Variants in PSMA1 observed in about 807,000 individuals in gnomAD.
PSMA1 encodes proteasome 20S subunit alpha 1.
In PSMA1, 3 loss-of-function variants were observed where a neutral mutation model predicts 38.4. That is an observed-to-expected ratio of 0.08 (90% CI 0.04 to 0.20). The LOEUF (loss-of-function observed/expected upper bound fraction) is 0.20. Among genes scored for constraint, PSMA1 ranks in the 10% least tolerant of loss-of-function variants. The probability of loss-of-function intolerance (pLI) is 1.00; values close to 1 mark genes in which losing one functional copy is unlikely to be tolerated. For synonymous variants in PSMA1, 101 were observed against 107.1 expected (o/e 0.94, Z 0.35); for missense variants, 227 against 325.3 (o/e 0.70, Z 2.32).
intron 1 of PSMA1, among the ~76,000 whole-genome samples, chr11:14,638,621 C>T (rs1245816788): frequency 7.5e-5 from 4 of 52,992 alleles, no homozygotes; most frequent in East Asian, 1.2e-3. Flanking sequence ...TTTTTTGGTG[C>T]GCTCTGCTTG....
intron 7 of PSMA1, among the ~76,000 whole-genome samples, chr11:14,512,657 G>A (rs1851363739): frequency 6.6e-6 from 1 of 152,106 alleles, no homozygotes; most frequent in Admixed American, 6.5e-5. Flanking sequence ...CTTATGGGAA[G>A]GAAAGAGCAT....
chr11:14,519,317 G>A (rs1170452151), intron 1 of PSMA1: 3 of 482,704 alleles, frequency 6.2e-6, no homozygotes, highest in African/African-American at 3.9e-5. Context: ...AATTACTAAA[G>A]TTCACAATCA....
intron 2 of PSMA1, among the ~76,000 whole-genome samples, chr11:14,604,067 A>C (rs1852615136): frequency 6.6e-6 from 1 of 152,198 alleles, no homozygotes; most frequent in African/African-American, 2.4e-5. Context: ...TCTAACTACT[A>C]AATGTCCTTT....
At chr11:14,561,234 T>G (rs1321555880) in intron 2 of PSMA1, among the ~76,000 whole-genome samples, 2 of 152,236 alleles carry the variant, frequency 1.3e-5, no homozygotes, top group Non-Finnish European at 2.9e-5. Flanking sequence ...TCTCTTTATG[T>G]GGCATTTTCC....
intron 2 of PSMA1, among the ~76,000 whole-genome samples, chr11:14,528,399 T>C (rs931073529): frequency 5.3e-5 from 8 of 152,106 alleles, no homozygotes; most frequent in African/African-American, 1.9e-4. Flanking sequence ...TCACCAATAC[T>C]ATATGACAAA....
intron 2 of PSMA1, among the ~76,000 whole-genome samples, chr11:14,598,840 T>C (rs1057442534): frequency 6.6e-6 from 1 of 152,032 alleles, no homozygotes; most frequent in African/African-American, 2.4e-5. Flanking sequence ...CTAGCATTGA[T>C]GATCTTCACA....
intron 2 of PSMA1, among the ~76,000 whole-genome samples, chr11:14,597,883 T>A (rs1852521532): frequency 6.6e-6 from 1 of 152,220 alleles, no homozygotes; most frequent in South Asian, 2.1e-4. Context: ...CTTGTGGGCA[T>A]TTAGTGCTAT....
At chr11:14,576,795 A>C (rs1852222537) in intron 2 of PSMA1, among the ~76,000 whole-genome samples, 1 of 152,252 alleles carries the variant, frequency 6.6e-6, no homozygotes, top group East Asian at 1.9e-4. Flanking sequence ...ACTTTAAAGT[A>C]GTTTTTTCCA....
intron 2 of PSMA1, among the ~76,000 whole-genome samples, chr11:14,597,544 A>C (rs1455367737): frequency 6.6e-6 from 1 of 152,228 alleles, no homozygotes; most frequent in Non-Finnish European, 1.5e-5. Context: ...AGGTGTTTAT[A>C]GCATTCTCTG....
intron 1 of PSMA1, among the ~76,000 whole-genome samples, chr11:14,636,729 A>T (rs1046123456): frequency 6.6e-6 from 1 of 152,178 alleles, no homozygotes; most frequent in Admixed American, 6.5e-5. Context: ...ATCCTGTTCA[A>T]TGGTTTCAAG....
intron 1 of PSMA1, among the ~76,000 whole-genome samples, chr11:14,627,105 T>C (rs1419496526): frequency 6.6e-6 from 1 of 152,200 alleles, no homozygotes; most frequent in African/African-American, 2.4e-5. Flanking sequence ...ATAAGTCATA[T>C]TGGATTAGTG....
rs1201045926 is a variant in PSMA1, at chr11:14,592,376, C to CTCTCTCTATA, written c.21+18589_21+18590insTATAGAGAGA. On this transcript the variant is annotated intron_variant, in intron 2 of 10. Coordinates refer to the PSMA1 transcript ENST00000418988. ...ACAGTCTCTCTCTCTCTCTCTCTCTCTATATATATATATATATATTTTTTT... is the reference window on the plus strand; with the variant it reads ...ACAGTCTCTCTCTCTCTCTCTCTCTCTCTCTCTATATATATATATATATATATATTTTTTT... 2.1e-4 allele frequency among the ~76,000 whole-genome samples: 26 copies of CTCTCTCTATA among 122,402 alleles called. No homozygotes were observed. The South Asian group carries it at 6.2e-3, about 29-fold the overall frequency. 80.3% of individuals were successfully genotyped at this position (122,402 alleles called of 152,430 possible). A position where few individuals can be genotyped will look rare whatever the true frequency, so the allele number is the denominator to read the frequency against.
intron 2 of PSMA1, among the ~76,000 whole-genome samples, chr11:14,600,825 G>A (rs1354366831): frequency 2.6e-5 from 4 of 152,284 alleles, no homozygotes; most frequent in East Asian, 3.9e-4. Context: ...CTTCTGCGTC[G>A]ATCCTGCTGG....
intron 1 of PSMA1, among the ~76,000 whole-genome samples, chr11:14,634,197 C>CCG (rs1565064382): frequency 6.6e-6 from 1 of 152,186 alleles, no homozygotes; most frequent in Admixed American, 6.5e-5. Flanking sequence ...TCATCCCCCC[C>CCG]GGTCTGTGGA....
At chr11:14,634,395 G>C (rs974334673) in intron 1 of PSMA1, among the ~76,000 whole-genome samples, 1 of 152,086 alleles carries the variant, frequency 6.6e-6, no homozygotes, top group Non-Finnish European at 1.5e-5. Context: ...ACTTTTCGAG[G>C]GTACCTAGGA....
upstream of PSMA1, chr11:14,520,589 A>C: frequency 4.6e-6 from 4 of 872,966 alleles, no homozygotes; most frequent in Non-Finnish European, 6.6e-6. Context: ...AGCCCCTGTC[A>C]CGTAGCCCTT....
At chr11:14,607,966 G>A (rs914918718) in intron 2 of PSMA1, among the ~76,000 whole-genome samples, 2 of 152,186 alleles carry the variant, frequency 1.3e-5, no homozygotes, top group African/African-American at 2.4e-5. Context: ...CAGGAAGTGT[G>A]AGCAGTGGAT....
chr11:14,558,249 C>CAAA (rs35509045), intron 2 of PSMA1, among the ~76,000 whole-genome samples: 1,278 of 74,162 alleles, frequency 0.017, 18 homozygotes, highest in Non-Finnish European at 0.021. Context: ...CCCATCTGCA[C>CAAA]AAAAAAAAAA....
chr11:14,579,230 G>A (rs1589998136), intron 2 of PSMA1, among the ~76,000 whole-genome samples: 1 of 152,188 alleles, frequency 6.6e-6, no homozygotes, highest in Non-Finnish European at 1.5e-5. Context: ...CTGAAATCAA[G>A]GTATTGGCAG....
Sources: allele counts gnomAD v4.1 joint callset (sites outside exome capture counted in the v4.1 genomes callset), GRCh38; gene constraint gnomAD v4.1.1; transcripts MANE v1.5; gene names NCBI Gene and HGNC (gene_info 2026-07-23, HGNC 2026-07-21).